ZBTB20: variants seen among roughly 807,000 people sequenced by gnomAD.
ZBTB20 encodes zinc finger and BTB domain containing 20, also known as zinc finger and BTB domain-containing protein 20.
Under a neutral mutation model 56.9 loss-of-function variants are expected in ZBTB20, and 9 were observed. The ratio of observed to expected loss-of-function variants is 0.16; its 90% CI spans 0.10 to 0.28. The LOEUF is 0.28. ZBTB20 is among the 10% of genes least tolerant of loss of function. The probability of loss-of-function intolerance (pLI) is 1.00; values close to 1 mark genes in which losing one functional copy is unlikely to be tolerated. For missense variants in ZBTB20, 655 were observed against 1,003.0 expected (o/e 0.65, Z 4.69); for synonymous variants, 417 against 420.7 (o/e 0.99, Z 0.11).
chr3:114,504,753 A>C (rs1559882265), intron 6 of ZBTB20, among the ~76,000 whole-genome samples: 1 of 152,196 alleles, frequency 6.6e-6, no homozygotes, highest in Non-Finnish European at 1.5e-5. Flanking sequence ...AGGATCACCC[A>C]AGTGGAAGAG....
chr3:114,505,292 A>C (rs538917521), intron 6 of ZBTB20, among the ~76,000 whole-genome samples: 3 of 152,302 alleles, frequency 2.0e-5, no homozygotes, highest in African/African-American at 7.2e-5. Flanking sequence ...AATTCTGCTA[A>C]GAGAAAACAA....
In ZBTB20 at chr3:115,112,186, CAT is replaced by C. The variant is rs544626452; in HGVS notation, c.-703+35031_-703+35032del. On this transcript the variant is annotated intron_variant, in intron 1 of 11. Coordinates refer to ENST00000675478, the MANE Select transcript of ZBTB20 (RefSeq NM_001348800.3). ...GATTTACCTTTTATTTTTTAAATGACATAAAGTATTTATACATATTTATGGGG... is the reference window on the plus strand; with the variant it reads ...GATTTACCTTTTATTTTTTAAATGACAAAGTATTTATACATATTTATGGGG... Among the ~76,000 whole-genome samples the C allele has an allele frequency of 2.9e-4, 44 of 151,270 alleles. No homozygotes were observed. In the East Asian group the frequency reaches 3.1e-3, roughly 11 times the overall value.
intron 5 of ZBTB20, among the ~76,000 whole-genome samples, chr3:114,759,943 A>G (rs1021085246): frequency 6.6e-6 from 1 of 152,174 alleles, no homozygotes; most frequent in Non-Finnish European, 1.5e-5. Flanking sequence ...CCAAATAATC[A>G]GTAATTGACA....
chr3:114,874,111 T>C (rs1317113494), intron 4 of ZBTB20: 1 of 152,132 alleles, frequency 6.6e-6, no homozygotes, highest in African/African-American at 2.4e-5. Context: ...GACATAGGCT[T>C]AAAAAGAAAA....
rs1436925046 is a variant in ZBTB20, at chr3:114,319,575, G to C, written c.*19430C>G. ...TTTGTATGGGTAAACGGGCCAGTTT[G>C]GTATTGGGGAATGTTGACGAAGGGA... On this transcript the variant is annotated 3_prime_UTR_variant, in exon 12 of 12. Coordinates refer to ENST00000675478, the MANE Select transcript of ZBTB20 (RefSeq NM_001348800.3). The C allele has an allele frequency of 2.0e-5, 3 of 152,072 alleles. No individual in the cohort carries two copies. Among genetic ancestry groups the C allele is most frequent in the South Asian group, 2.1e-4 (1 of 4,822 alleles). 9.4% of individuals were successfully genotyped at this position (152,072 alleles called of 1,614,324 possible). A position where few individuals can be genotyped will look rare whatever the true frequency, so the allele number is the denominator to read the frequency against.
rs1243929437 is a variant in ZBTB20, at chr3:114,319,508, G to T, written c.*19497C>A. 1 of 152,172 alleles carries T rather than the reference G, an allele frequency of 6.6e-6. No homozygotes were observed. The highest frequency in any genetic ancestry group is 2.1e-4 in the South Asian group (1 of 4,834). The allele number at this position is 152,172 out of a possible 1,614,324, so 9.4% of individuals were successfully genotyped here. ...AAACATTAAACAAATGATAGAGTCA[G>T]TTGGCTAGGAAAAATACCGCTGTTC... is the stretch of plus-strand genomic sequence containing the variant. On this transcript the variant is annotated 3_prime_UTR_variant, in exon 12 of 12. Transcript: ENST00000675478.
intron 1 of ZBTB20, among the ~76,000 whole-genome samples, chr3:115,072,358 A>G (rs2082440304): frequency 6.6e-6 from 1 of 152,206 alleles, no homozygotes; most frequent in East Asian, 1.9e-4. Flanking sequence ...ATGCTGGTTA[A>G]GATCACAGAC....
chr3:114,691,189 T>C (rs1560132393), intron 6 of ZBTB20, among the ~76,000 whole-genome samples: 1 of 152,158 alleles, frequency 6.6e-6, no homozygotes, highest in Non-Finnish European at 1.5e-5. Flanking sequence ...GTCAGGATAC[T>C]ATGAAGAAAA....
At chr3:114,884,217 G>A (rs1157459371) in intron 4 of ZBTB20, among the ~76,000 whole-genome samples, 3 of 152,028 alleles carry the variant, frequency 2.0e-5, no homozygotes, top group Non-Finnish European at 4.4e-5. Context: ...GAGCCACCGC[G>A]CCCGGCCGGT....
At chr3:114,979,282 T>C (rs2078235478) in intron 2 of ZBTB20, among the ~76,000 whole-genome samples, 1 of 151,994 alleles carries the variant, frequency 6.6e-6, no homozygotes, top group African/African-American at 2.4e-5. Flanking sequence ...AGGACTACTG[T>C]ATAAAGAGAG....
intron 2 of ZBTB20, among the ~76,000 whole-genome samples, chr3:115,003,199 T>C (rs1274694187): frequency 6.6e-6 from 1 of 151,590 alleles, no homozygotes; most frequent in Non-Finnish European, 1.5e-5. Flanking sequence ...GTGAAAGTAA[T>C]TTGTATGATA....
chr3:114,442,720 C>T (rs906556993), intron 7 of ZBTB20, among the ~76,000 whole-genome samples: 1 of 152,122 alleles, frequency 6.6e-6, no homozygotes, highest in African/African-American at 2.4e-5. Context: ...TGTGATCTAC[C>T]TCTTTTTCGT....
At chr3:114,578,782 A>C (rs2054347886) in intron 6 of ZBTB20, among the ~76,000 whole-genome samples, 1 of 151,790 alleles carries the variant, frequency 6.6e-6, no homozygotes, top group African/African-American at 2.4e-5. Flanking sequence ...GTCCTCATTA[A>C]ATAATTACTA....
chr3:114,900,594 C>T (rs1490082245), intron 3 of ZBTB20: 2 of 151,760 alleles, frequency 1.3e-5, no homozygotes, highest in Non-Finnish European at 2.9e-5. Flanking sequence ...GGGACTCTGA[C>T]TCACCATGGC....
chr3:115,082,380 A>G (rs1278012638), intron 1 of ZBTB20, among the ~76,000 whole-genome samples: 1 of 152,182 alleles, frequency 6.6e-6, no homozygotes, highest in African/African-American at 2.4e-5. Context: ...ATGAGCAGTG[A>G]CAGTCGTGAG....
rs148136343 is a variant in ZBTB20 at position 114,427,803 on chromosome 3, G to A, written c.-254-38698C>T. Among the ~76,000 whole-genome samples the A allele has an allele frequency of 4.6e-5, 7 of 152,334 alleles. No homozygotes were observed. The East Asian group carries it at 1.3e-3, about 29-fold the overall frequency. ...TAAGACTTTCTTTTTCTTCAGAAAC[G>A]TGGAGAATGATTGTTAACAGAGGTA... On this transcript the variant is annotated intron_variant, in intron 7 of 11. Transcript: ENST00000675478.
intron 2 of ZBTB20, among the ~76,000 whole-genome samples, chr3:115,035,243 G>T (rs996990673): frequency 2.1e-4 from 32 of 151,852 alleles, no homozygotes; most frequent in African/African-American, 7.7e-4. Context: ...AAAATTAAAT[G>T]CACCTCAAAA....
chr3:114,904,940 C>T (rs557026449), intron 3 of ZBTB20, among the ~76,000 whole-genome samples: 24 of 151,938 alleles, frequency 1.6e-4, no homozygotes, highest in Admixed American at 8.5e-4. Context: ...ATAAAATCCA[C>T]GAAAAACTAA....
At chr3:114,424,149 C>A (rs2089441118) in intron 7 of ZBTB20, among the ~76,000 whole-genome samples, 1 of 152,182 alleles carries the variant, frequency 6.6e-6, no homozygotes, top group African/African-American at 2.4e-5. Context: ...ACATAACAAC[C>A]TTAATTCAGG....
Sources: gnomAD v4.1 joint callset for allele counts (sites outside exome capture counted in the v4.1 genomes callset) on GRCh38, gnomAD v4.1.1 for gene constraint, MANE v1.5 for transcripts, NCBI Gene and HGNC (gene_info 2026-07-23, HGNC 2026-07-21) for gene names.